SYNE2: variants seen among roughly 807,000 people sequenced by gnomAD.
SYNE2 encodes spectrin repeat containing nuclear envelope protein 2.
Under a neutral mutation model 856.3 loss-of-function variants are expected in SYNE2, and 431 were observed. The ratio of observed to expected loss-of-function variants is 0.50; its 90% CI spans 0.47 to 0.55. SYNE2 has a LOEUF of 0.55. SYNE2 is among the 20% of genes least tolerant of loss of function. The pLI is 0.00. For missense variants in SYNE2, 8,129 were observed against 8,023.2 expected, an observed-to-expected ratio of 1.01 and a Z score of -0.50; for synonymous variants, 2,923 against 2,872.3, an observed-to-expected ratio of 1.02 and a Z score of -0.56.
rs1567074054 is a variant in SYNE2, at chr14:64,021,429, C to T, written c.5266C>T (p.Gln1756Ter). 3 of 1,614,106 alleles carry T rather than the reference C, an allele frequency of 1.9e-6. No individual in the cohort carries two copies. The highest frequency in any genetic ancestry group is 2.5e-6 in the Non-Finnish European group (3 of 1,180,020). Residue 1756 changes from glutamine to a stop codon, truncating the protein, a stop_gained, in exon 36 of 116, where the codon CAA becomes TAA. Coordinates refer to ENST00000555002, the MANE Select transcript of SYNE2 (RefSeq NM_182914.3). LOFTEE classifies it high-confidence loss of function. ...TGCTGAGCTAAGGGAGGATCTCGAC[C>T]AAGCCAAGACCCAGATCGGGATGAC... ...STAELREDLDQAKTQIGMTES... is the reference protein window; with the variant it reads ...STAELREDLD
chr14:63,975,540 C>T (rs1449526240), intron 11 of SYNE2, among the ~76,000 whole-genome samples: 1 of 151,956 alleles, frequency 6.6e-6, no homozygotes, highest in African/African-American at 2.4e-5. Context: ...TCCCATGTTG[C>T]CCAAGCTGGT....
chr14:64,058,665 G>C (rs2097292434), intron 49 of SYNE2, among the ~76,000 whole-genome samples: 1 of 151,932 alleles, frequency 6.6e-6, no homozygotes, highest in South Asian at 2.1e-4. Flanking sequence ...TTTTTTAGTA[G>C]AGACAGGGTT....
intron 45 of SYNE2, among the ~76,000 whole-genome samples, chr14:64,046,049 A>G (rs1385947019): frequency 6.6e-6 from 1 of 152,240 alleles, no homozygotes; most frequent in Non-Finnish European, 1.5e-5. Context: ...ATGAAGGTAT[A>G]TAGCACAATT....
chr14:63,987,839 A>G (rs2096637806), intron 19 of SYNE2, among the ~76,000 whole-genome samples: 1 of 152,170 alleles, frequency 6.6e-6, no homozygotes, highest in African/African-American at 2.4e-5. Context: ...GAAAGAATTA[A>G]GTAGATATTC....
At chr14:63,841,513 G>A (rs1302743638) in intron 1 of SYNE2, among the ~76,000 whole-genome samples, 1 of 152,034 alleles carries the variant, frequency 6.6e-6, no homozygotes, top group African/African-American at 2.4e-5. Context: ...TTTTCTTTAG[G>A]TATCTCCTCA....
At chr14:63,884,551 T>G (rs1389811555) in intron 1 of SYNE2, among the ~76,000 whole-genome samples, 2 of 151,972 alleles carry the variant, frequency 1.3e-5, no homozygotes, top group Non-Finnish European at 2.9e-5. Context: ...GCACGGGGTG[T>G]GTAGTGGGCA....
At chr14:64,107,407 T>C in intron 64 of SYNE2, 84 bp from the exon 65 acceptor site, 1 of 1,255,234 alleles carries the variant, frequency 8.0e-7, no homozygotes, top group Non-Finnish European at 1.2e-6. Flanking sequence ...GCAGGTAGTT[T>C]GTAAAATGAG....
chr14:63,964,141 C>T, intron 10 of SYNE2, 141 bp downstream of exon 10: 1 of 618,852 alleles, frequency 1.6e-6, no homozygotes, highest in Non-Finnish European at 2.8e-6. Context: ...TAGGACTGTA[C>T]TTCCGAAACT....
Position 64,219,298 on chromosome 14 carries a change from T to A in SYNE2, c.19748T>A (p.Ile6583Asn). 2 of 1,614,000 alleles carry A rather than the reference T, an allele frequency of 1.2e-6. No homozygotes were observed. The highest frequency in any genetic ancestry group is 1.7e-6 in the Non-Finnish European group (2 of 1,180,012). Residue 6583 changes from isoleucine (I) to asparagine (N), a missense_variant, in exon 110 of 116, where the codon ATC (isoleucine) becomes AAC (asparagine). Ile to Asn is a moderately radical substitution (Grantham distance 149). Transcript: ENST00000555002. ...KQNLQQLNSD[I>N]SAITTWLKKT... Reference sequence around the variant, plus strand: ...AATTTGCAACAGCTGAACTCTGATATCAGCGCCATCACTACTTGGCTGAAA... The same window carrying A: ...AATTTGCAACAGCTGAACTCTGATAACAGCGCCATCACTACTTGGCTGAAA...
chr14:64,139,605 G>T (rs1250771830), intron 79 of SYNE2, among the ~76,000 whole-genome samples: 2 of 151,756 alleles, frequency 1.3e-5, no homozygotes, highest in Non-Finnish European at 2.9e-5. Flanking sequence ...TAGAGACAGG[G>T]TTTTACCATG....
intron 52 of SYNE2, among the ~76,000 whole-genome samples, chr14:64,072,085 C>G (rs2097414807): frequency 6.6e-6 from 1 of 152,094 alleles, no homozygotes; most frequent in African/African-American, 2.4e-5. Context: ...AAACCAAGCC[C>G]CTAATAAGGA....
intron 92 of SYNE2, among the ~76,000 whole-genome samples, chr14:64,168,615 G>A (rs2098394975): frequency 6.6e-6 from 1 of 152,162 alleles, no homozygotes; most frequent in Non-Finnish European, 1.5e-5. Flanking sequence ...GACAATGCAT[G>A]TTTTACAGTG....
In SYNE2 at chr14:64,163,498, A is replaced by T; in HGVS notation, c.16396A>T (p.Met5466Leu). ...ACAACCCGCAGAGTCCAGCACCCACATGCTCCTCCCGGGCCCCCTGCACTC... is the reference window on the plus strand; with the variant it reads ...ACAACCCGCAGAGTCCAGCACCCACTTGCTCCTCCCGGGCCCCCTGCACTC... ...LPQPAESSTH[M>L]LLPGPLHSLQ... Residue 5466 changes from methionine to leucine, a missense_variant, in exon 89 of 116, where the codon ATG becomes TTG. This residue lies in a region of SYNE2 where 5,410 missense variants were observed against 5,284.8 expected (regional missense o/e 1.02). Coordinates refer to ENST00000555002, the MANE Select transcript of SYNE2 (RefSeq NM_182914.3). The T allele has an allele frequency of 1.9e-6, 3 of 1,614,106 alleles. No individual in the cohort carries two copies. Among genetic ancestry groups the T allele is most frequent in the Non-Finnish European group, 2.5e-6 (3 of 1,180,006 alleles).
chr14:63,985,419 T>C (rs1021703726), intron 18 of SYNE2, among the ~76,000 whole-genome samples: 4 of 151,832 alleles, frequency 2.6e-5, no homozygotes, highest in African/African-American at 9.7e-5. Context: ...AAATAATGTA[T>C]CTATCATGTA....
chr14:63,940,341 C>G (rs548278952), intron 2 of SYNE2, among the ~76,000 whole-genome samples: 1 of 152,116 alleles, frequency 6.6e-6, no homozygotes, highest in Admixed American at 6.6e-5. Flanking sequence ...AGGTGTGAAC[C>G]ACAGCACCGT....
At chr14:63,861,205 C>G (rs1317426764) in intron 1 of SYNE2, among the ~76,000 whole-genome samples, 1 of 148,664 alleles carries the variant, frequency 6.7e-6, no homozygotes, top group Non-Finnish European at 1.5e-5. Context: ...AGTGCGGCGG[C>G]ACAATCTCAG....
intron 2 of SYNE2, among the ~76,000 whole-genome samples, chr14:63,920,715 C>T (rs755408396): frequency 2.0e-5 from 3 of 151,124 alleles, no homozygotes; most frequent in Admixed American, 6.6e-5. Context: ...TAGAGGTGGC[C>T]GTGGAGATGG....
At chr14:64,200,879 CAG>C (rs1339669054) in intron 99 of SYNE2, among the ~76,000 whole-genome samples, 1 of 152,200 alleles carries the variant, frequency 6.6e-6, no homozygotes, top group Non-Finnish European at 1.5e-5. Context: ...GCCCTGACCA[CAG>C]AGTCTGTGTT....
chr14:63,834,242 A>G (rs1889770393), intron 1 of SYNE2, among the ~76,000 whole-genome samples: 1 of 152,138 alleles, frequency 6.6e-6, no homozygotes, highest in African/African-American at 2.4e-5. Flanking sequence ...ACATACCTGT[A>G]ATCCTAGCTA....
Sources: allele counts gnomAD v4.1 joint callset (sites outside exome capture counted in the v4.1 genomes callset), GRCh38; gene constraint gnomAD v4.1.1; regional missense constraint gnomAD v4.1.1; transcripts MANE v1.5; gene names NCBI Gene and HGNC (gene_info 2026-07-23, HGNC 2026-07-21).